The following MALAT1 variants were observed in gnomAD, a reference collection of about 807,000 sequenced individuals.
MALAT1 encodes hepcarcin.
chr11:65,500,250 G>A (rs754263733), exon 3 of MALAT1: 2 of 518,406 alleles, frequency 3.9e-6, no homozygotes, highest in Admixed American at 1.9e-5. Flanking sequence ...CTTAAATATA[G>A]TAGCTTAGTT....
exon 3 of MALAT1, chr11:65,500,079 A>G (rs1472033051): frequency 6.6e-6 from 3 of 455,942 alleles, no homozygotes; most frequent in South Asian, 1.6e-5. Flanking sequence ...GCTTGAGAAG[A>G]TGAGGGTGTT....
At chr11:65,502,281 T>C in exon 3 of MALAT1, 1 of 517,830 alleles carries the variant, frequency 1.9e-6, no homozygotes, top group South Asian at 1.4e-5. Flanking sequence ...CTTTTGGAAT[T>C]TTTTTCAGGT....
chr11:65,498,891 G>A (rs531902218), intron 2 of MALAT1: 2 of 518,532 alleles, frequency 3.9e-6, no homozygotes, highest in African/African-American at 1.9e-5. Flanking sequence ...AGTTCCATAA[G>A]CTGTTAAGAA....
At chr11:65,500,648 A>G (rs1261174992) in exon 3 of MALAT1, 7 of 518,866 alleles carry the variant, frequency 1.3e-5, no homozygotes, top group Non-Finnish European at 2.7e-5. Context: ...TTTGGTGATG[A>G]AGGTAGCAGG....
intron 3 of MALAT1, chr11:65,505,600 C>G: frequency 1.9e-6 from 1 of 518,928 alleles, no homozygotes; most frequent in Non-Finnish European, 3.8e-6. Context: ...GACCCTTCAC[C>G]CCTCACCTCG....
At chr11:65,500,046 T>C (rs1565676427) in exon 3 of MALAT1, 2 of 434,682 alleles carry the variant, frequency 4.6e-6, no homozygotes, top group South Asian at 1.7e-5. Flanking sequence ...TAATTTCTGG[T>C]GGTGCAGAAG....
exon 1 of MALAT1, chr11:65,497,770 C>T (rs778498171): frequency 1.7e-5 from 8 of 464,612 alleles, no homozygotes; most frequent in South Asian, 6.2e-5. Context: ...CTGTAAAGGA[C>T]TGGGGCCCCG....
chr11:65,498,279 C>G (rs1254359385), intron 1 of MALAT1: 1 of 518,704 alleles, frequency 1.9e-6, no homozygotes, highest in Non-Finnish European at 3.8e-6. Flanking sequence ...CTTGTGAGCA[C>G]TTTCAGGAGA....
exon 3 of MALAT1, chr11:65,499,308 T>TTTAGATGACG (rs769536157): frequency 3.7e-5 from 19 of 510,666 alleles, no homozygotes; most frequent in Non-Finnish European, 5.1e-5. Context: ...TGACGGAGGT[T>TTTAGATGACG]GAGATGAAGC....
At chr11:65,502,697 C>G in exon 3 of MALAT1, 1 of 506,352 alleles carries the variant, frequency 2.0e-6, no homozygotes, top group South Asian at 1.5e-5. Context: ...GGCCTAGATG[C>G]AGAGAAAACA....
At chr11:65,500,196 CTA>C (rs1363538641) in exon 3 of MALAT1, 2 of 509,540 alleles carry the variant, frequency 3.9e-6, no homozygotes, top group Non-Finnish European at 7.8e-6. Context: ...TTAAAAAAAA[CTA>C]AGGCAGAAGG....
chr11:65,497,998 C>T (rs768382124), intron 1 of MALAT1: 10 of 518,786 alleles, frequency 1.9e-5, no homozygotes, highest in Non-Finnish European at 1.2e-5. Flanking sequence ...TAAAACCACT[C>T]AAACTCTGCA....
exon 3 of MALAT1, chr11:65,500,332 C>T (rs751755814): frequency 1.9e-6 from 1 of 518,372 alleles, no homozygotes; most frequent in Non-Finnish European, 3.9e-6. Flanking sequence ...AATGTTTTTG[C>T]ATTGGACTTT....
At chr11:65,498,606 C>T (rs1406917654) in intron 1 of MALAT1, 8 of 518,798 alleles carry the variant, frequency 1.5e-5, no homozygotes, top group Middle Eastern at 6.4e-4. Context: ...TCTCAACCGT[C>T]CCTGCAAGGC....
intron 3 of MALAT1, chr11:65,506,209 T>C (rs761820603): frequency 4.4e-6 from 2 of 453,406 alleles, no homozygotes; most frequent in South Asian, 1.7e-5. Flanking sequence ...CAGGACTCTT[T>C]CTGTATTTCT....
At chr11:65,500,407 C>G (rs1358777614) in exon 3 of MALAT1, 1 of 518,932 alleles carries the variant, frequency 1.9e-6, no homozygotes, top group Admixed American at 1.9e-5. Context: ...AGGTGCTACA[C>G]AGAAGTGGAT....
At chr11:65,503,289 T>C in exon 3 of MALAT1, 1 of 518,202 alleles carries the variant, frequency 1.9e-6, no homozygotes, top group Admixed American at 1.9e-5. Context: ...CACTTTCTCC[T>C]GACCCCTTCC....
intron 3 of MALAT1, chr11:65,504,093 A>AG (rs753695575): frequency 3.1e-5 from 16 of 517,498 alleles, no homozygotes; most frequent in Admixed American, 1.4e-4. Flanking sequence ...TAGGGAAGGG[A>AG]GGGGGTGCCT....
At chr11:65,504,196 CT>C (rs1565055697) in intron 3 of MALAT1, 1 of 515,920 alleles carries the variant, frequency 1.9e-6, no homozygotes, top group African/African-American at 1.9e-5. Context: ...TTGGCTCTTC[CT>C]TCTGTTCTAG....
Sources: allele counts gnomAD v4.1 joint callset, GRCh38; gene constraint gnomAD v4.1.1; transcripts MANE v1.5; gene names NCBI Gene and HGNC (gene_info 2026-07-23, HGNC 2026-07-21).